The following CNIH3 variants were observed in gnomAD, a reference collection of about 807,000 sequenced individuals.
CNIH3 encodes protein cornichon homolog 3.
A neutral mutation model predicts 24.1 loss-of-function variants in CNIH3; 14 were observed. The ratio of observed to expected loss-of-function variants is 0.58; its 90% confidence interval spans 0.38 to 0.91. The LOEUF is 0.91. CNIH3 is among the 40% of genes least tolerant of loss of function. CNIH3 has a pLI of 0.00. For missense variants in CNIH3, 178 were observed against 196.8 expected (o/e 0.90, Z 0.57); for synonymous variants, 68 against 73.8 (o/e 0.92, Z 0.40).
chr1:224,739,748 G>A lies in CNIH3; in HGVS notation c.*392G>A. 1 of 231,870 alleles carries A rather than the reference G, an allele frequency of 4.3e-6. No individual in the cohort carries two copies. 14.4% of individuals were successfully genotyped at this position (231,870 alleles called of 1,614,324 possible). On this transcript the variant is annotated 3_prime_UTR_variant, in exon 6 of 6. Coordinates refer to ENST00000272133, the MANE Select transcript of CNIH3 (RefSeq NM_152495.2). The stretch of plus-strand genomic sequence containing the variant: ...GGAGCGGAGGCTGGAAGGCCACAAG[G>A]TGCTTGCTAAGGAACAGAATGACCC...
At chr1:224,545,702 A>C (rs698280) in intron 2 of CNIH3, among the ~76,000 whole-genome samples, 47,220 of 152,112 alleles carry the variant, frequency 0.31, 9,901 homozygotes, top group African/African-American at 0.6. Context: ...TGGGTCAGGG[A>C]CTTGTGGCCT....
At chr1:224,526,082 A>G (rs1218384380) in intron 2 of CNIH3, among the ~76,000 whole-genome samples, 1 of 152,212 alleles carries the variant, frequency 6.6e-6, no homozygotes. Context: ...AGAGACCAGA[A>G]TGGGAGCACA....
At chr1:224,489,587 A>G (rs1677162818) in intron 1 of CNIH3, among the ~76,000 whole-genome samples, 1 of 152,182 alleles carries the variant, frequency 6.6e-6, no homozygotes, top group Non-Finnish European at 1.5e-5. Flanking sequence ...TTGTGACTTT[A>G]GAAAGATGTT....
downstream of CNIH3, among the ~76,000 whole-genome samples, chr1:224,591,909 G>A (rs760232900): frequency 3.3e-5 from 5 of 152,194 alleles, no homozygotes; most frequent in Non-Finnish European, 7.3e-5. Context: ...AGAGTGCAAG[G>A]CAAGTGCTTG....
intron 1 of CNIH3, among the ~76,000 whole-genome samples, chr1:224,670,646 G>A (rs1317914358): frequency 2.0e-5 from 3 of 152,158 alleles, no homozygotes; most frequent in Non-Finnish European, 4.4e-5. Flanking sequence ...TTCCCAACTT[G>A]CTGTAAGGCA....
At chr1:224,468,162 G>A (rs1170129057) in intron 1 of CNIH3, among the ~76,000 whole-genome samples, 7 of 151,874 alleles carry the variant, frequency 4.6e-5, no homozygotes, top group East Asian at 1.9e-4. Context: ...CAAAATTGTC[G>A]TAACTATTTT....
At chr1:224,508,705 C>T (rs1313146958) in intron 1 of CNIH3, among the ~76,000 whole-genome samples, 2 of 152,164 alleles carry the variant, frequency 1.3e-5, no homozygotes, top group Non-Finnish European at 2.9e-5. Context: ...ATTCAACATT[C>T]TTCAAAATAT....
In CNIH3 at chr1:224,687,155, C is replaced by G. The variant is rs184437482; in HGVS notation, c.198+2312C>G. On this transcript the variant is annotated intron_variant, in intron 3 of 5. Transcript: ENST00000272133. ...ACACCTTCTGCAGCCTGACAGTTTT[C>G]TAGCTCCCACGGGGAGTAGCACTGG... 6.6e-4 allele frequency among the ~76,000 whole-genome samples: 100 copies of G among 152,334 alleles called. 1 individual carries two copies. The highest frequency in any genetic ancestry group is 3.4e-3 in the Middle Eastern group (1 of 294).
chr1:224,569,007 G>T (rs910018115), intron 4 of CNIH3, among the ~76,000 whole-genome samples: 1 of 152,090 alleles, frequency 6.6e-6, no homozygotes, highest in Non-Finnish European at 1.5e-5. Flanking sequence ...TGAGTAGCTG[G>T]GATTACAGGC....
chr1:224,489,112 C>T (rs996425797), intron 1 of CNIH3, among the ~76,000 whole-genome samples: 1 of 151,632 alleles, frequency 6.6e-6, no homozygotes, highest in Non-Finnish European at 1.5e-5. Context: ...CTGAGTTCTG[C>T]TATGTTTCTC....
intron 2 of CNIH3, among the ~76,000 whole-genome samples, chr1:224,535,710 G>A (rs1031822681): frequency 5.3e-5 from 8 of 152,198 alleles, no homozygotes; most frequent in African/African-American, 1.7e-4. Flanking sequence ...GTGAACAGGG[G>A]TGAGGGAAGC....
At chr1:224,552,752 A>G (rs1679974033) in intron 3 of CNIH3, among the ~76,000 whole-genome samples, 1 of 151,624 alleles carries the variant, frequency 6.6e-6, no homozygotes, top group Non-Finnish European at 1.5e-5. Flanking sequence ...TATGAATAAT[A>G]TCACCGGGTG....
At chr1:224,691,757 A>G (rs1486903289) in intron 3 of CNIH3, among the ~76,000 whole-genome samples, 1 of 152,220 alleles carries the variant, frequency 6.6e-6, no homozygotes, top group Non-Finnish European at 1.5e-5. Flanking sequence ...TGGGCAGAGT[A>G]TCTTAGCTCC....
At chr1:224,449,207 G>A (rs566952592) in intron 1 of CNIH3, among the ~76,000 whole-genome samples, 20 of 151,592 alleles carry the variant, frequency 1.3e-4, no homozygotes, top group East Asian at 3.9e-4. Flanking sequence ...CTTGTGATCC[G>A]CCTGCCTCGG....
Position 224,452,501 on chromosome 1 carries a change from G to T in CNIH3, n.203+17639G>T, listed in dbSNP as rs142773889. ...GGATATTTTAAAAAGTAAAGTGTTG[G>T]CCGGGCACGGTGGCTCACACCTGTA... On this transcript the variant is annotated intron_variant and non_coding_transcript_variant, in intron 1 of 5. Transcript: ENST00000471578. 4.9e-4 allele frequency among the ~76,000 whole-genome samples: 74 copies of T among 151,984 alleles called. 1 individual carries two copies. Among genetic ancestry groups the T allele is most frequent in the African/African-American group, 1.7e-3 (72 of 41,510 alleles).
intron 2 of CNIH3, 151 bp downstream of exon 2, chr1:224,681,177 C>A: frequency 1.5e-6 from 1 of 684,022 alleles, no homozygotes; most frequent in African/African-American, 1.8e-5. Flanking sequence ...TGTGGAGGAG[C>A]CTTCTCATTC....
At chr1:224,722,878 C>T (rs1408027685) in intron 3 of CNIH3, among the ~76,000 whole-genome samples, 1 of 152,182 alleles carries the variant, frequency 6.6e-6, no homozygotes. Flanking sequence ...AAGCTGAGAC[C>T]TGTGAATTCC....
intron 4 of CNIH3, among the ~76,000 whole-genome samples, chr1:224,579,067 C>CTTTTTTTTTTTTTTTTTTTTT (rs60330387): frequency 7.2e-6 from 1 of 138,938 alleles, no homozygotes; most frequent in Non-Finnish European, 1.6e-5. Flanking sequence ...TTTCTTTTTT[C>CTTTTTTTTTTTTTTTTTTTTT]TTTTTTTTTT....
At chr1:224,729,401 G>A (rs1383743599) in intron 3 of CNIH3, among the ~76,000 whole-genome samples, 1 of 109,396 alleles carries the variant, frequency 9.1e-6, no homozygotes, top group Non-Finnish European at 1.7e-5. Context: ...AACAGAGTAA[G>A]ACTATGTCTC....
Sources: gnomAD v4.1 joint callset for allele counts (sites outside exome capture counted in the v4.1 genomes callset) on GRCh38, gnomAD v4.1.1 for gene constraint, MANE v1.5 for transcripts, NCBI Gene and HGNC (gene_info 2026-07-23, HGNC 2026-07-21) for gene names.